The following RPA3 variants were observed in gnomAD, a reference collection of about 807,000 sequenced individuals.
The protein encoded by RPA3 is replication protein A3.
A neutral mutation model predicts 13.7 loss-of-function variants in RPA3; 24 were observed. The observed-to-expected ratio is 1.75, with a 90% CI of 1.27 to 2.46. The LOEUF (loss-of-function observed/expected upper bound fraction) is 2.46. RPA3 is among the 30% of genes most tolerant of loss of function. The pLI, the probability that RPA3 is intolerant of heterozygous loss-of-function variation, is 0.00. For synonymous variants in RPA3, 59 were observed against 51.2 expected (o/e 1.15, Z -0.65); for missense variants, 183 against 151.0 (o/e 1.21, Z -1.11).
intron 4 of RPA3, among the ~76,000 whole-genome samples, chr7:7,668,869 A>G (rs796150042): frequency 3.3e-5 from 5 of 152,254 alleles, no homozygotes; most frequent in African/African-American, 1.2e-4. Flanking sequence ...CTCAGGAGGA[A>G]CCAGCTCTGG....
intron 4 of RPA3, among the ~76,000 whole-genome samples, chr7:7,655,534 A>G (rs999503273): frequency 3.9e-5 from 6 of 152,204 alleles, no homozygotes; most frequent in Non-Finnish European, 7.3e-5. Context: ...GTAGCTCACC[A>G]TCTTCCAACT....
intron 2 of RPA3, among the ~76,000 whole-genome samples, chr7:7,705,378 AG>A (rs889956815): frequency 2.0e-5 from 3 of 152,244 alleles, no homozygotes; most frequent in African/African-American, 7.2e-5. Context: ...GAGTTTAAAA[AG>A]TAATTTTACA....
intron 4 of RPA3, among the ~76,000 whole-genome samples, chr7:7,679,935 G>T (rs1327044708): frequency 6.6e-6 from 1 of 151,628 alleles, no homozygotes; most frequent in Non-Finnish European, 1.5e-5. Context: ...TATACTGATT[G>T]TTCATCCATT....
chr7:7,673,417 G>C, intron 4 of RPA3: 2 of 1,041,524 alleles, frequency 1.9e-6, no homozygotes, highest in South Asian at 1.3e-5. Context: ...AAAGCCCTCA[G>C]TACCAGAGAC....
At chr7:7,718,362 C>A (rs976924686) in intron 1 of RPA3, among the ~76,000 whole-genome samples, 153 bp downstream of exon 1, 1 of 152,056 alleles carries the variant, frequency 6.6e-6, no homozygotes. Context: ...TCTGTTCTTA[C>A]CACCATATTC....
intron 2 of RPA3, among the ~76,000 whole-genome samples, chr7:7,696,101 G>C (rs915895148): frequency 6.6e-6 from 1 of 151,260 alleles, no homozygotes; most frequent in Middle Eastern, 3.4e-3. Context: ...TACCTCCTGG[G>C]TTCAAGCGAT....
chr7:7,668,381 C>T (rs960184383), intron 4 of RPA3, among the ~76,000 whole-genome samples: 1 of 152,034 alleles, frequency 6.6e-6, no homozygotes, highest in South Asian at 2.1e-4. Context: ...TTTATGAGTA[C>T]AGTACTATAA....
At chr7:7,653,855 T>C (rs950360741) in intron 4 of RPA3, among the ~76,000 whole-genome samples, 4 of 152,152 alleles carry the variant, frequency 2.6e-5, no homozygotes, top group Admixed American at 6.5e-5. Context: ...AGGCACTTAG[T>C]GGGTTAAAGC....
At chr7:7,676,251 G>A (rs1200528145) in intron 4 of RPA3, 1 of 398,392 alleles carries the variant, frequency 2.5e-6, no homozygotes. Context: ...TCTAGGAAAT[G>A]AGCACGATAT....
At chr7:7,645,727 G>T (rs1363106158) in intron 4 of RPA3, among the ~76,000 whole-genome samples, 1 of 151,882 alleles carries the variant, frequency 6.6e-6, no homozygotes, top group Non-Finnish European at 1.5e-5. Flanking sequence ...TTCAGTGTTT[G>T]AACCAAGCTC....
At chr7:7,681,905 G>C (rs959602502) in intron 4 of RPA3, among the ~76,000 whole-genome samples, 5 of 151,966 alleles carry the variant, frequency 3.3e-5, no homozygotes. Flanking sequence ...CCAAAACTAA[G>C]ACAAAAGCAT....
intron 2 of RPA3, among the ~76,000 whole-genome samples, chr7:7,690,866 A>G (rs780114011): frequency 1.1e-4 from 16 of 152,212 alleles, no homozygotes; most frequent in Admixed American, 5.9e-4. Flanking sequence ...CAGAAATTCA[A>G]TTATGACTTA....
intron 5 of RPA3, 137 bp from the exon 6 acceptor site, chr7:7,639,281 G>A: frequency 3.5e-6 from 2 of 579,036 alleles, no homozygotes; most frequent in Non-Finnish European, 3.0e-6. Flanking sequence ...TCAACTTATT[G>A]GATCAAATTA....
At chr7:7,680,249 C>T (rs1779875745) in intron 4 of RPA3, among the ~76,000 whole-genome samples, 1 of 152,020 alleles carries the variant, frequency 6.6e-6, no homozygotes. Flanking sequence ...TAGTTTTATT[C>T]TTCTGCATAT....
chr7:7,666,754 G>A (rs992045941), intron 4 of RPA3, among the ~76,000 whole-genome samples: 1 of 152,014 alleles, frequency 6.6e-6, no homozygotes, highest in Non-Finnish European at 1.5e-5. Context: ...TATCAAATAT[G>A]TGATTTCCAG....
intron 4 of RPA3, among the ~76,000 whole-genome samples, chr7:7,644,551 T>A (rs1297264062): frequency 1.3e-5 from 2 of 152,228 alleles, no homozygotes; most frequent in African/African-American, 2.4e-5. Context: ...TAGAATTCAC[T>A]CTTCATGTAT....
chr7:7,702,944 T>C (rs1780498969), intron 2 of RPA3, among the ~76,000 whole-genome samples: 1 of 152,226 alleles, frequency 6.6e-6, no homozygotes, highest in Non-Finnish European at 1.5e-5. Flanking sequence ...TTCACTTGCG[T>C]CATTCTCCAG....
chr7:7,648,331 T>G (rs1785144946), intron 4 of RPA3, among the ~76,000 whole-genome samples: 1 of 152,384 alleles, frequency 6.6e-6, no homozygotes, highest in Non-Finnish European at 1.5e-5. Context: ...GACTTTATAC[T>G]GTGTGGCCCT....
At chr7:7,652,308 A>C (rs1311788487) in intron 4 of RPA3, among the ~76,000 whole-genome samples, 1 of 152,228 alleles carries the variant, frequency 6.6e-6, no homozygotes, top group Non-Finnish European at 1.5e-5. Context: ...CCCATTGATC[A>C]TGCAGTTCGT....
Sources: gnomAD v4.1 joint callset for allele counts (sites outside exome capture counted in the v4.1 genomes callset) on GRCh38, gnomAD v4.1.1 for gene constraint, MANE v1.5 for transcripts, NCBI Gene and HGNC (gene_info 2026-07-23, HGNC 2026-07-21) for gene names.